PARD3: variants seen among roughly 807,000 people sequenced by gnomAD.
PARD3 encodes the protein partitioning defective 3 homolog.
A neutral mutation model predicts 155.4 loss-of-function variants in PARD3; 75 were observed. That is an observed-to-expected ratio of 0.48 (90% CI 0.40 to 0.58). The LOEUF is 0.58. Ranked by LOEUF, PARD3 falls within the 20% of genes least tolerant of loss-of-function variation. The pLI is 0.00. For missense variants in PARD3, 1,642 were observed against 1,721.7 expected (o/e 0.95, Z 0.82); for synonymous variants, 576 against 610.5 (o/e 0.94, Z 0.83).
chr10:34,231,640 CT>C (rs111669979), intron 22 of PARD3, among the ~76,000 whole-genome samples: 8 of 149,768 alleles, frequency 5.3e-5, no homozygotes, highest in East Asian at 1.9e-4. Flanking sequence ...AAATCTTCAT[CT>C]TTTTTTTTTC....
intron 5 of PARD3, among the ~76,000 whole-genome samples, chr10:34,448,645 A>AT (rs79934232): frequency 4.6e-5 from 7 of 150,888 alleles, no homozygotes; most frequent in Non-Finnish European, 7.4e-5. Context: ...AAAATAAAAC[A>AT]TTTTTTTTTA....
At chr10:34,703,647 G>A (rs539540475) in intron 1 of PARD3, among the ~76,000 whole-genome samples, 1 of 152,036 alleles carries the variant, frequency 6.6e-6, no homozygotes, top group African/African-American at 2.4e-5. Flanking sequence ...GTTCCATAGA[G>A]ACCCCAACAC....
chr10:34,802,122 G>A (rs1475156997), intron 1 of PARD3, among the ~76,000 whole-genome samples: 2 of 152,088 alleles, frequency 1.3e-5, no homozygotes, highest in Non-Finnish European at 2.9e-5. Flanking sequence ...AATTATTTAG[G>A]AAGTAACAAG....
rs186289072 is a variant in PARD3 at position 34,773,469 on chromosome 10, G to A, written c.120+41407C>T. On this transcript the variant is annotated intron_variant, in intron 1 of 24. Transcript: ENST00000374788. ...CTTACCCATAATTTCAGTTCCCTAG[G>A]GATAACAAGTATTACAGAGGACTGC... Among the ~76,000 whole-genome samples the A allele has an allele frequency of 2.0e-3, 310 of 152,194 alleles. 3 individuals carry two copies. The highest frequency in any genetic ancestry group is 6.8e-3 in the African/African-American group (282 of 41,510).
intron 1 of PARD3, among the ~76,000 whole-genome samples, chr10:34,728,341 G>A (rs761286468): frequency 6.6e-6 from 1 of 152,092 alleles, no homozygotes; most frequent in Non-Finnish European, 1.5e-5. Context: ...GGATTCTGAC[G>A]CTAAATGTCA....
At chr10:34,354,277 C>A (rs564995962) in intron 14 of PARD3, among the ~76,000 whole-genome samples, 5 of 151,928 alleles carry the variant, frequency 3.3e-5, no homozygotes, top group Admixed American at 3.3e-4. Flanking sequence ...ACTTGGGAGG[C>A]TGAGGCAGGA....
At chr10:34,469,260 G>A (rs766502744) in intron 4 of PARD3, among the ~76,000 whole-genome samples, 9 of 152,188 alleles carry the variant, frequency 5.9e-5, no homozygotes, top group Non-Finnish European at 8.8e-5. Flanking sequence ...ACAGGTGCAT[G>A]CCAGCACACC....
At chr10:34,773,840 T>G (rs12243239) in intron 1 of PARD3, among the ~76,000 whole-genome samples, 10,655 of 152,188 alleles carry the variant, frequency 0.07, 1,262 homozygotes, top group African/African-American at 0.24. Flanking sequence ...TGCCTCATAA[T>G]TGTTTTGCAT....
chr10:34,646,005 T>C (rs1021154649), intron 2 of PARD3, among the ~76,000 whole-genome samples: 1 of 152,178 alleles, frequency 6.6e-6, no homozygotes, highest in Non-Finnish European at 1.5e-5. Flanking sequence ...TAAGAGTATA[T>C]GTTGTAGGAA....
At chr10:34,669,924 T>C (rs1487362225) in intron 2 of PARD3, among the ~76,000 whole-genome samples, 1 of 152,224 alleles carries the variant, frequency 6.6e-6, no homozygotes, top group Non-Finnish European at 1.5e-5. Context: ...TATAGTACTC[T>C]TTGACAAAGC....
intron 2 of PARD3, among the ~76,000 whole-genome samples, chr10:34,596,524 T>C (rs1380149909): frequency 1.3e-5 from 2 of 152,150 alleles, no homozygotes; most frequent in Non-Finnish European, 2.9e-5. Context: ...AAGCCCCTTA[T>C]AAAACCACCA....
At chr10:34,322,870 G>C (rs1048801586) in intron 19 of PARD3, among the ~76,000 whole-genome samples, 1 of 152,150 alleles carries the variant, frequency 6.6e-6, no homozygotes, top group South Asian at 2.1e-4. Flanking sequence ...TAGGAACACA[G>C]ATACTTGAGC....
chr10:34,679,392 A>G (rs1013821303), intron 2 of PARD3, among the ~76,000 whole-genome samples: 1 of 152,180 alleles, frequency 6.6e-6, no homozygotes, highest in Non-Finnish European at 1.5e-5. Flanking sequence ...GAGAGCACAC[A>G]TCAGGTTCAA....
At chr10:34,323,864 T>C (rs548328025) in intron 19 of PARD3, among the ~76,000 whole-genome samples, 1 of 152,334 alleles carries the variant, frequency 6.6e-6, no homozygotes, top group East Asian at 1.9e-4. Context: ...GATTTTAACA[T>C]TCAAATGACG....
intron 2 of PARD3, among the ~76,000 whole-genome samples, chr10:34,668,463 C>A (rs2093544290): frequency 6.6e-6 from 1 of 152,130 alleles, no homozygotes; most frequent in African/African-American, 2.4e-5. Flanking sequence ...CAGTTCACAT[C>A]CATGTGAGTA....
intron 23 of PARD3, among the ~76,000 whole-genome samples, chr10:34,125,223 C>T (rs906931920): frequency 2.6e-5 from 4 of 152,158 alleles, no homozygotes; most frequent in African/African-American, 9.6e-5. Context: ...CCTGCCACCA[C>T]GCCCGGCTAA....
intron 1 of PARD3, among the ~76,000 whole-genome samples, chr10:34,767,359 G>A (rs1591020145): frequency 1.3e-5 from 2 of 152,098 alleles, no homozygotes; most frequent in East Asian, 3.9e-4. Flanking sequence ...CGCTACCTGA[G>A]AACTCGCCAT....
chr10:34,799,262 G>A (rs1036139450), intron 1 of PARD3, among the ~76,000 whole-genome samples: 6 of 152,174 alleles, frequency 3.9e-5, no homozygotes, highest in Non-Finnish European at 7.4e-5. Context: ...GGCTGGTCTC[G>A]AACTCCTGAC....
chr10:34,449,888 C>G (rs989063464), intron 5 of PARD3, among the ~76,000 whole-genome samples: 3 of 152,156 alleles, frequency 2.0e-5, no homozygotes, highest in Non-Finnish European at 4.4e-5. Context: ...AATTCTAAAA[C>G]AACACCATAG....
Sources: gnomAD v4.1 joint callset for allele counts (sites outside exome capture counted in the v4.1 genomes callset) on GRCh38, gnomAD v4.1.1 for gene constraint, MANE v1.5 for transcripts, NCBI Gene and HGNC (gene_info 2026-07-23, HGNC 2026-07-21) for gene names.